ADARB2: variants seen among roughly 807,000 people sequenced by gnomAD.
ADARB2 encodes adenosine deaminase RNA specific B2 (inactive), also known as inactive double-stranded RNA-specific editase B2.
Under a neutral mutation model 62.2 loss-of-function variants are expected in ADARB2, and 25 were observed. The observed-to-expected ratio is 0.40, with a 90% CI of 0.29 to 0.56. The LOEUF is 0.56. Ranked by LOEUF, ADARB2 falls within the 20% of genes least tolerant of loss-of-function variation. The probability of loss-of-function intolerance (pLI) is 0.43; values close to 1 mark genes in which losing one functional copy is unlikely to be tolerated. For missense variants in ADARB2, 1,071 were observed against 1,077.4 expected, an observed-to-expected ratio of 0.99 and a Z score of 0.08; for synonymous variants, 572 against 500.8, an observed-to-expected ratio of 1.14 and a Z score of -1.90.
intron 1 of ADARB2, among the ~76,000 whole-genome samples, chr10:1,605,846 G>A (rs1436350884): frequency 6.6e-6 from 1 of 152,168 alleles, no homozygotes; most frequent in African/African-American, 2.4e-5. Context: ...AAGAGGACTA[G>A]CAGCCCATTA....
At chr10:1,262,345 A>G (rs1185846963) in intron 4 of ADARB2, among the ~76,000 whole-genome samples, 1 of 150,302 alleles carries the variant, frequency 6.7e-6, no homozygotes, top group East Asian at 1.9e-4. Flanking sequence ...CAGAGTGAAC[A>G]GGCAGCCTAC....
At chr10:1,616,767 G>A (rs1400330085) in intron 1 of ADARB2, among the ~76,000 whole-genome samples, 2 of 149,408 alleles carry the variant, frequency 1.3e-5, no homozygotes, top group Non-Finnish European at 3.0e-5. Flanking sequence ...GCCCTGCTGA[G>A]CTCTGCATCC....
At chr10:1,344,795 G>A (rs953938112) in intron 3 of ADARB2, among the ~76,000 whole-genome samples, 3 of 152,224 alleles carry the variant, frequency 2.0e-5, no homozygotes, top group East Asian at 1.9e-4. Context: ...GGAGGTTGGC[G>A]TCAGCACCCA....
chr10:1,335,266 G>A (rs908950115), intron 3 of ADARB2, among the ~76,000 whole-genome samples: 24 of 151,078 alleles, frequency 1.6e-4, no homozygotes, highest in Non-Finnish European at 4.4e-5. Context: ...ATGGATAGAA[G>A]GATGGAGGAA....
At chr10:1,711,377 C>T (rs956037639) in intron 1 of ADARB2, among the ~76,000 whole-genome samples, 1 of 152,184 alleles carries the variant, frequency 6.6e-6, no homozygotes, top group African/African-American at 2.4e-5. Flanking sequence ...CTCTGAAGGA[C>T]GCACCTGGGA....
intron 1 of ADARB2, among the ~76,000 whole-genome samples, chr10:1,608,334 T>C (rs1326973931): frequency 6.6e-6 from 1 of 152,148 alleles, no homozygotes; most frequent in Non-Finnish European, 1.5e-5. Flanking sequence ...GTGCTGCTGC[T>C]GAGATGTTTG....
intron 6 of ADARB2, among the ~76,000 whole-genome samples, chr10:1,220,554 A>C (rs74778897): frequency 3.3e-4 from 51 of 152,338 alleles, no homozygotes; most frequent in Non-Finnish European, 6.9e-4. Flanking sequence ...CATTGAAAGC[A>C]TGGAGGAGCC....
chr10:1,603,777 A>T (rs1833460807), intron 1 of ADARB2, among the ~76,000 whole-genome samples: 1 of 151,632 alleles, frequency 6.6e-6, no homozygotes, highest in African/African-American at 2.4e-5. Context: ...CACAAACTGT[A>T]GTATTAATAT....
chr10:1,283,176 T>C (rs1399508868), intron 3 of ADARB2, among the ~76,000 whole-genome samples: 1 of 152,214 alleles, frequency 6.6e-6, no homozygotes, highest in Non-Finnish European at 1.5e-5. Context: ...GCATAATTTG[T>C]ATGCTTGTCT....
chr10:1,396,607 C>G (rs12779695), intron 1 of ADARB2, among the ~76,000 whole-genome samples: 32,351 of 137,886 alleles, frequency 0.23, 3,518 homozygotes, highest in Non-Finnish European at 0.3. Context: ...CCTGGGTCAC[C>G]GTCCTCCTCT....
intron 1 of ADARB2, among the ~76,000 whole-genome samples, chr10:1,438,119 C>T (rs1042222091): frequency 4.8e-4 from 73 of 152,358 alleles, no homozygotes; most frequent in African/African-American, 7.2e-4. Context: ...GGGAGTGAGA[C>T]GCACCTTCCT....
At chr10:1,521,070 C>T (rs1252947237) in intron 1 of ADARB2, among the ~76,000 whole-genome samples, 1 of 152,178 alleles carries the variant, frequency 6.6e-6, no homozygotes, top group Non-Finnish European at 1.5e-5. Flanking sequence ...TGAGGCTGCC[C>T]TTCAGGGACT....
intron 7 of ADARB2, among the ~76,000 whole-genome samples, chr10:1,208,244 C>T (rs1476429517): frequency 1.3e-5 from 2 of 152,236 alleles, no homozygotes; most frequent in East Asian, 1.9e-4. Context: ...CCAGTGCCAG[C>T]CTCCTAGGGC....
rs138756393 is a variant in ADARB2, at chr10:1,642,739, A to C, written c.100+94312T>G. ...CTCACACATTTACCCACAAACTCAC[A>C]TCCACACTCACATGCACACACACTC... is the stretch of plus-strand genomic sequence containing the variant. On this transcript the variant is annotated intron_variant, in intron 1 of 9. Transcript: ENST00000381312. 6.5e-4 allele frequency among the ~76,000 whole-genome samples: 99 copies of C among 152,032 alleles called. 1 individual carries two copies. Among genetic ancestry groups the C allele is most frequent in the Admixed American group, 7.9e-4 (12 of 15,260 alleles).
In ADARB2 at chr10:1,284,584, C is replaced by T. The variant is rs532377037; in HGVS notation, c.1078-13515G>A. The stretch of plus-strand genomic sequence containing the variant: ...TCCACCCAACAACTATGTGAAGAAC[C>T]GTCCCATTTTATAACTGTAGCAAAA... On this transcript the variant is annotated intron_variant, in intron 3 of 9. Coordinates refer to ENST00000381312, the MANE Select transcript of ADARB2 (RefSeq NM_018702.4). Among the ~76,000 whole-genome samples, 6 of 152,248 alleles carry T rather than the reference C, an allele frequency of 3.9e-5. No homozygotes were observed. In the South Asian group the frequency reaches 8.3e-4, roughly 21 times the overall value.
At chr10:1,654,932 C>G (rs1048526928) in intron 1 of ADARB2, among the ~76,000 whole-genome samples, 9 of 152,196 alleles carry the variant, frequency 5.9e-5, no homozygotes, top group African/African-American at 2.4e-5. Context: ...AGGTGCTGGC[C>G]AGCCCACGAG....
Position 1,462,406 on chromosome 10 carries a change from G to A in ADARB2, c.101-83246C>T, listed in dbSNP as rs565873545. Among the ~76,000 whole-genome samples the A allele has an allele frequency of 2.7e-4, 41 of 152,376 alleles. No individual in the cohort carries two copies. The Middle Eastern group carries it at 0.01, about 38-fold the overall frequency. ...TACTCCACACAAGCCTCTACCTGCC[G>A]CCAGGGCTGCGTCCTAACCAAAGAC... On this transcript the variant is annotated intron_variant, in intron 1 of 9. Transcript: ENST00000381312.
chr10:1,205,800 G>C (rs576926582), intron 7 of ADARB2, among the ~76,000 whole-genome samples: 2 of 152,374 alleles, frequency 1.3e-5, no homozygotes, highest in African/African-American at 4.8e-5. Flanking sequence ...GGGATGGACC[G>C]AGACTGGGTA....
intron 1 of ADARB2, among the ~76,000 whole-genome samples, chr10:1,621,913 TA>T (rs56330826): frequency 1 from 152,185 of 152,190 alleles, 76,090 homozygotes; most frequent in Non-Finnish European, 1. Flanking sequence ...GATCTAATAG[TA>T]AAAAACAATT....
Sources: gnomAD v4.1 joint callset for allele counts (sites outside exome capture counted in the v4.1 genomes callset) on GRCh38, gnomAD v4.1.1 for gene constraint, MANE v1.5 for transcripts, NCBI Gene and HGNC (gene_info 2026-07-23, HGNC 2026-07-21) for gene names.